Variants in SGCD observed in about 807,000 individuals in gnomAD.
SGCD encodes sarcoglycan delta, also known as delta-sarcoglycan.
Under a neutral mutation model 36.6 loss-of-function variants are expected in SGCD, and 18 were observed. That is an observed-to-expected ratio of 0.49 (90% CI 0.34 to 0.73). SGCD has a LOEUF of 0.73. Ranked by LOEUF, SGCD falls within the 30% of genes least tolerant of loss-of-function variation. SGCD has a pLI of 0.01. For missense variants in SGCD, 387 were observed against 346.7 expected, an observed-to-expected ratio of 1.12 and a Z score of -0.92; for synonymous variants, 133 against 130.6, an observed-to-expected ratio of 1.02 and a Z score of -0.12.
At chr5:156,423,393 A>T (rs62382668) in intron 3 of SGCD, among the ~76,000 whole-genome samples, 8,659 of 106,528 alleles carry the variant, frequency 0.081, 1,528 homozygotes, top group South Asian at 0.14. Flanking sequence ...ATAATATATT[A>T]TATTTTATTA....
At chr5:155,771,533 C>G in the SGCD span, among the ~76,000 whole-genome samples, 1 of 151,964 alleles carries the variant, frequency 6.6e-6, no homozygotes, top group African/African-American at 2.4e-5. Flanking sequence ...AAGCGATTCT[C>G]CTGCTTCAGC....
intron 1 of SGCD, among the ~76,000 whole-genome samples, chr5:155,970,435 A>G (rs570045854): frequency 3.3e-5 from 5 of 152,198 alleles, no homozygotes; most frequent in Non-Finnish European, 7.3e-5. Flanking sequence ...TGTGTTAAAA[A>G]TGATTCTAAG....
At position 155,936,045 on chromosome 5, in the gene SGCD, G is replaced by A. The variant is rs376761813; in HGVS notation, c.-282+65621G>A. 1.8e-4 allele frequency among the ~76,000 whole-genome samples: 27 copies of A among 152,242 alleles called. No individual in the cohort carries two copies. The South Asian group carries it at 2.1e-3, about 12-fold the overall frequency. ...GGCTGACACCAGGGAATGCTGTGGC[G>A]CCTGGAAGCTTGGAGATGCCAGGAA... On this transcript the variant is annotated intron_variant, in intron 1 of 9. Coordinates refer to the SGCD transcript ENST00000517913.
intron 3 of SGCD, among the ~76,000 whole-genome samples, chr5:156,208,443 G>C (rs1177162966): frequency 6.6e-6 from 1 of 152,196 alleles, no homozygotes; most frequent in African/African-American, 2.4e-5. Flanking sequence ...TTCTGACTCT[G>C]GTTTGTAAGA....
intron 1 of SGCD, among the ~76,000 whole-genome samples, chr5:156,097,698 A>G (rs538984545): frequency 2.6e-5 from 4 of 152,208 alleles, no homozygotes; most frequent in East Asian, 1.9e-4. Context: ...TTAACATTCA[A>G]TTCGTCTTGG....
chr5:155,938,150 G>A (rs1057006414), intron 1 of SGCD, among the ~76,000 whole-genome samples: 1 of 152,200 alleles, frequency 6.6e-6, no homozygotes, highest in African/African-American at 2.4e-5. Context: ...TTTCTACAGA[G>A]GAAGCAGTGA....
intron 3 of SGCD, among the ~76,000 whole-genome samples, chr5:156,412,310 A>G (rs959694617): frequency 6.6e-6 from 1 of 152,264 alleles, no homozygotes; most frequent in African/African-American, 2.4e-5. Flanking sequence ...AAAGTGTAAA[A>G]TTAGACCAGG....
At chr5:156,735,206 A>G (rs1429581619) in intron 7 of SGCD, among the ~76,000 whole-genome samples, 1 of 151,994 alleles carries the variant, frequency 6.6e-6, no homozygotes, top group Non-Finnish European at 1.5e-5. Flanking sequence ...GAGGCCTGAA[A>G]CCTCTGTCAG....
At chr5:156,035,857 G>A (rs189483650) in intron 1 of SGCD, among the ~76,000 whole-genome samples, 57 of 152,274 alleles carry the variant, frequency 3.7e-4, no homozygotes, top group African/African-American at 1.3e-3. Context: ...GCATTTTGGT[G>A]AGCAAAGTAT....
chr5:156,394,519 T>C (rs959665651), intron 3 of SGCD, among the ~76,000 whole-genome samples: 2 of 152,198 alleles, frequency 1.3e-5, no homozygotes. Context: ...AATTATTACA[T>C]CTATGATCAG....
At chr5:156,410,702 A>T (rs920028126) in intron 3 of SGCD, among the ~76,000 whole-genome samples, 3 of 152,158 alleles carry the variant, frequency 2.0e-5, no homozygotes, top group Admixed American at 1.3e-4. Flanking sequence ...GAAACCTTTG[A>T]TGGACAGTCA....
At chr5:156,319,017 T>C (rs1407525579) in intron 3 of SGCD, among the ~76,000 whole-genome samples, 1 of 152,240 alleles carries the variant, frequency 6.6e-6, no homozygotes, top group Non-Finnish European at 1.5e-5. Flanking sequence ...TCTGTTTTTG[T>C]CAATTTCTTT....
At chr5:156,423,543 C>G (rs1773523051) in intron 3 of SGCD, among the ~76,000 whole-genome samples, 1 of 146,918 alleles carries the variant, frequency 6.8e-6, no homozygotes, top group Admixed American at 7.1e-5. Flanking sequence ...TGTGAAGGTT[C>G]ACTTAATATC....
chr5:156,612,174 C>A (rs564233505), intron 6 of SGCD, among the ~76,000 whole-genome samples: 47 of 152,244 alleles, frequency 3.1e-4, no homozygotes, highest in African/African-American at 1.0e-3. Context: ...GATATTTGTG[C>A]ATCTAGTGGA....
At chr5:156,316,387 A>C (rs911496756) in intron 3 of SGCD, among the ~76,000 whole-genome samples, 1 of 152,026 alleles carries the variant, frequency 6.6e-6, no homozygotes, top group Non-Finnish European at 1.5e-5. Flanking sequence ...TATTACCCAG[A>C]GTAATTTACA....
intron 1 of SGCD, among the ~76,000 whole-genome samples, chr5:156,071,752 T>C (rs912891334): frequency 1.3e-5 from 2 of 152,156 alleles, no homozygotes; most frequent in Non-Finnish European, 2.9e-5. Flanking sequence ...CCCATTATTA[T>C]TGTGTGGGAG....
At position 156,503,107 on chromosome 5, in the gene SGCD, A is replaced by G. The variant is rs114361977; in HGVS notation, c.193-5494A>G. ...GATGTATATGAGGAAAGATTAAATTACTTATTGCAAAAGAGTTACTTGGCT... is the reference window on the plus strand; with the variant it reads ...GATGTATATGAGGAAAGATTAAATTGCTTATTGCAAAAGAGTTACTTGGCT... On this transcript the variant is annotated intron_variant, in intron 3 of 8. Transcript: ENST00000337851. Among the ~76,000 whole-genome samples the G allele has an allele frequency of 6.6e-4, 101 of 152,352 alleles. 1 individual carries two copies. The highest frequency in any genetic ancestry group is 2.3e-3 in the African/African-American group (95 of 41,578).
At chr5:155,767,388 G>A in the SGCD span, among the ~76,000 whole-genome samples, 22 of 152,344 alleles carry the variant, frequency 1.4e-4, no homozygotes, top group Admixed American at 1.3e-3. Flanking sequence ...CATATTGGCA[G>A]TGGCACCTTG....
chr5:156,555,337 G>T (rs781111129), intron 4 of SGCD, among the ~76,000 whole-genome samples: 1 of 152,096 alleles, frequency 6.6e-6, no homozygotes, highest in Non-Finnish European at 1.5e-5. Context: ...TCCTTACAAA[G>T]ATTTTACAGT....
Sources: gnomAD v4.1 joint callset for allele counts (sites outside exome capture counted in the v4.1 genomes callset) on GRCh38, gnomAD v4.1.1 for gene constraint, MANE v1.5 for transcripts, NCBI Gene and HGNC (gene_info 2026-07-23, HGNC 2026-07-21) for gene names.